PPP3R1: variants seen among roughly 807,000 people sequenced by gnomAD.
PPP3R1 encodes the protein calcineurin subunit B type 1.
Under a neutral mutation model 22.6 loss-of-function variants are expected in PPP3R1, and 5 were observed. The observed-to-expected ratio is 0.22, with a 90% CI of 0.12 to 0.46. The LOEUF (loss-of-function observed/expected upper bound fraction) is 0.46, where lower values mean the gene tolerates loss of function less well. Among genes scored for constraint, PPP3R1 ranks in the 20% least tolerant of loss-of-function variants. The pLI is 0.99. For missense variants in PPP3R1, 61 were observed against 203.2 expected, an observed-to-expected ratio of 0.30 and a Z score of 4.25; for synonymous variants, 56 against 65.2, an observed-to-expected ratio of 0.86 and a Z score of 0.68.
At chr2:68,197,302 G>A (rs1051070981) in intron 2 of PPP3R1, among the ~76,000 whole-genome samples, 4 of 152,120 alleles carry the variant, frequency 2.6e-5, no homozygotes, top group East Asian at 1.9e-4. Flanking sequence ...AGGTACTCGC[G>A]TCTATCTTCT....
At chr2:68,243,682 C>T (rs6742684) in intron 1 of PPP3R1, among the ~76,000 whole-genome samples, 61,729 of 151,830 alleles carry the variant, frequency 0.41, 12,965 homozygotes, top group South Asian at 0.62. Flanking sequence ...AAGTAACAAC[C>T]TCTATCACTA....
At chr2:68,199,751 T>A (rs1674934159) in intron 2 of PPP3R1, among the ~76,000 whole-genome samples, 1 of 152,232 alleles carries the variant, frequency 6.6e-6, no homozygotes. Flanking sequence ...TTACATTAAT[T>A]TTTGAATGTT....
In PPP3R1 at chr2:68,232,106, A is replaced by T. The variant is rs866412405; in HGVS notation, c.4-14975T>A. Among the ~76,000 whole-genome samples, 321 of 80,168 alleles carry T rather than the reference A, an allele frequency of 4.0e-3. 3 individuals carry two copies. Among genetic ancestry groups the T allele is most frequent in the African/African-American group, 0.014 (230 of 16,110 alleles). 52.6% of individuals were successfully genotyped at this position (80,168 alleles called of 152,430 possible). A position where few individuals can be genotyped will look rare whatever the true frequency, so the allele number is the denominator to read the frequency against. ...AATACCCGTATCTACTAAAAAAAAA[A>T]AAATATATATATATATATACACACA... On this transcript the variant is annotated intron_variant, in intron 1 of 5. Coordinates refer to ENST00000234310, the MANE Select transcript of PPP3R1 (RefSeq NM_000945.4).
chr2:68,206,853 A>C (rs1675137255), intron 2 of PPP3R1, among the ~76,000 whole-genome samples: 1 of 152,218 alleles, frequency 6.6e-6, no homozygotes, highest in Admixed American at 6.5e-5. Context: ...AACTTTTTTA[A>C]AAAGTAGCAC....
chr2:68,240,980 G>C (rs4671885), intron 1 of PPP3R1, among the ~76,000 whole-genome samples: 32,509 of 152,106 alleles, frequency 0.21, 3,708 homozygotes, highest in Non-Finnish European at 0.25. Flanking sequence ...CAAAAGAGGA[G>C]AATTTCAAGA....
chr2:68,225,286 C>T (rs1669761638), intron 1 of PPP3R1, among the ~76,000 whole-genome samples: 1 of 152,120 alleles, frequency 6.6e-6, no homozygotes. Context: ...GCAATTTTCC[C>T]TGTGTGGTCT....
intron 2 of PPP3R1, among the ~76,000 whole-genome samples, chr2:68,207,546 G>A (rs1473103732): frequency 6.6e-6 from 1 of 152,144 alleles, no homozygotes; most frequent in African/African-American, 2.4e-5. Flanking sequence ...TTTGCCCTAG[G>A]ACATTTTTCT....
chr2:68,245,962 C>T lies in PPP3R1; in HGVS notation c.3+6163G>A, dbSNP rs202090212. On this transcript the variant is annotated intron_variant, in intron 1 of 5. Coordinates refer to ENST00000234310, the MANE Select transcript of PPP3R1 (RefSeq NM_000945.4). Reference sequence around the variant, plus strand: ...AGGAGAGTCATAAACTCCCTTCTACCTCCTTGGAGACATTAAGTTGTCAAT... The same window carrying T: ...AGGAGAGTCATAAACTCCCTTCTACTTCCTTGGAGACATTAAGTTGTCAAT... Among the ~76,000 whole-genome samples, 8 of 152,118 alleles carry T rather than the reference C, an allele frequency of 5.3e-5. No individual in the cohort carries two copies. In the East Asian group the frequency reaches 1.5e-3, roughly 29 times the overall value.
At chr2:68,187,226 GA>G in intron 4 of PPP3R1, 28 bp downstream of exon 4, 1 of 1,541,950 alleles carries the variant, frequency 6.5e-7, no homozygotes, top group Non-Finnish European at 8.9e-7. Flanking sequence ...TAGTATAAGA[GA>G]ATGAAGTCAG....
intron 1 of PPP3R1, among the ~76,000 whole-genome samples, chr2:68,225,889 G>GCAGCTTTATT (rs1669771182): frequency 6.6e-6 from 1 of 152,164 alleles, no homozygotes; most frequent in South Asian, 2.1e-4. Context: ...CATGTCCACA[G>GCAGCTTTATT]CAGCTTTATT....
intron 2 of PPP3R1, among the ~76,000 whole-genome samples, chr2:68,208,374 G>A (rs546792710): frequency 6.6e-6 from 1 of 152,254 alleles, no homozygotes; most frequent in African/African-American, 2.4e-5. Context: ...AATATTTTAG[G>A]CTTTGTTGAC....
chr2:68,231,521 T>C (rs1669898275), intron 1 of PPP3R1, among the ~76,000 whole-genome samples: 1 of 152,220 alleles, frequency 6.6e-6, no homozygotes, highest in South Asian at 2.1e-4. Context: ...AAAAAGCAGC[T>C]AGTTCAGCTT....
chr2:68,182,252 T>C (rs1674430045), intron 5 of PPP3R1, among the ~76,000 whole-genome samples: 1 of 152,188 alleles, frequency 6.6e-6, no homozygotes, highest in Non-Finnish European at 1.5e-5. Context: ...AAAAAAATAG[T>C]CCCTTTATTT....
chr2:68,195,459 T>C (rs949398897), intron 2 of PPP3R1, among the ~76,000 whole-genome samples: 1 of 152,146 alleles, frequency 6.6e-6, no homozygotes, highest in African/African-American at 2.4e-5. Flanking sequence ...GGCTGCCAGA[T>C]TTCTCCACTA....
intron 1 of PPP3R1, among the ~76,000 whole-genome samples, chr2:68,232,145 ATGT>A (rs1669921076): frequency 1.9e-5 from 2 of 105,170 alleles, no homozygotes; most frequent in African/African-American, 6.6e-5. Flanking sequence ...ACACATATAT[ATGT>A]ATATATATAT....
At chr2:68,215,796 T>C (rs1347498361) in intron 2 of PPP3R1, among the ~76,000 whole-genome samples, 2 of 151,978 alleles carry the variant, frequency 1.3e-5, no homozygotes, top group African/African-American at 4.8e-5. Flanking sequence ...GAAATTAGGA[T>C]TTGAAGATGG....
rs1674351581 is a variant in PPP3R1 at position 68,179,170 on chromosome 2, A to AGG, written c.*1792_*1793insCC. ...ATGTACAAAAAATTCACAAAAGGCT[A>AGG]GTTCCCCCTTGAAGCAGAGCACATG... is the stretch of plus-strand genomic sequence containing the variant. On this transcript the variant is annotated 3_prime_UTR_variant, in exon 6 of 6. Coordinates refer to ENST00000234310, the MANE Select transcript of PPP3R1 (RefSeq NM_000945.4). 1 of 152,666 alleles carries AGG rather than the reference A, an allele frequency of 6.6e-6. No individual in the cohort carries two copies. The highest frequency in any genetic ancestry group is 2.4e-5 in the African/African-American group (1 of 41,478). 9.5% of individuals were successfully genotyped at this position (152,666 alleles called of 1,614,324 possible).
At chr2:68,208,586 T>A (rs939054562) in intron 2 of PPP3R1, among the ~76,000 whole-genome samples, 1 of 152,206 alleles carries the variant, frequency 6.6e-6, no homozygotes, top group Non-Finnish European at 1.5e-5. Flanking sequence ...AACATTTTAT[T>A]TCATGTTTTA....
intron 1 of PPP3R1, among the ~76,000 whole-genome samples, chr2:68,217,784 A>AT (rs1191752954): frequency 6.6e-6 from 1 of 152,006 alleles, no homozygotes; most frequent in Non-Finnish European, 1.5e-5. Flanking sequence ...ATTTATATAT[A>AT]AAAAAAGTAG....
Sources: gnomAD v4.1 joint callset for allele counts (sites outside exome capture counted in the v4.1 genomes callset) on GRCh38, gnomAD v4.1.1 for gene constraint, MANE v1.5 for transcripts, NCBI Gene and HGNC (gene_info 2026-07-23, HGNC 2026-07-21) for gene names.